The following ADAM12 variants were observed in gnomAD, a reference collection of about 807,000 sequenced individuals.
The protein encoded by ADAM12 is disintegrin and metalloproteinase domain-containing protein 12.
In ADAM12, 70 loss-of-function variants were observed where a neutral mutation model predicts 106.4. That is an observed-to-expected ratio of 0.66 (90% CI 0.54 to 0.80). The LOEUF is 0.80. Ranked by LOEUF, ADAM12 falls within the 30% of genes least tolerant of loss-of-function variation. ADAM12 has a pLI of 0.00. For synonymous variants in ADAM12, 420 were observed against 433.5 expected (o/e 0.97, Z 0.39); for missense variants, 1,010 against 1,171.9 (o/e 0.86, Z 2.02).
chr10:126,088,713 A>G (rs1007391305), intron 11 of ADAM12, among the ~76,000 whole-genome samples: 3 of 72,736 alleles, frequency 4.1e-5, no homozygotes, highest in African/African-American at 2.5e-4. Context: ...CTACATCTCA[A>G]AAAACAAAAA....
chr10:126,108,682 G>A lies in ADAM12; in HGVS notation c.670-18C>T, dbSNP rs370343358. The A allele has an allele frequency of 1.3e-5, 21 of 1,602,462 alleles. No homozygotes were observed. The highest frequency in any genetic ancestry group is 1.7e-5 in the Non-Finnish European group (20 of 1,169,510). ...CTCTGAAACTTAACAATTTTAAATGGCAGCATTAATACCAGCAAGAATATC... is the reference window on the plus strand; with the variant it reads ...CTCTGAAACTTAACAATTTTAAATGACAGCATTAATACCAGCAAGAATATC... On this transcript the variant is annotated intron_variant, in intron 7 of 22. Transcript: ENST00000448723.
intron 5 of ADAM12, among the ~76,000 whole-genome samples, chr10:126,122,326 C>A (rs1329925798): frequency 6.6e-6 from 1 of 152,172 alleles, no homozygotes; most frequent in African/African-American, 2.4e-5. Flanking sequence ...TTACTTTGGT[C>A]ATCAACTCTG....
At chr10:126,020,504 T>C (rs1176786832) in intron 21 of ADAM12, among the ~76,000 whole-genome samples, 2 of 152,110 alleles carry the variant, frequency 1.3e-5, no homozygotes, top group African/African-American at 2.4e-5. Flanking sequence ...CGCTAGGTTT[T>C]AGCCAAAAAT....
At chr10:126,086,683 ATATAT>A (rs1955360188) in intron 11 of ADAM12, among the ~76,000 whole-genome samples, 1 of 50,916 alleles carries the variant, frequency 2.0e-5, no homozygotes, top group African/African-American at 1.5e-4. Context: ...AAAAAAAAAT[ATATAT>A]ATATATATAT....
At chr10:126,222,208 G>T (rs1958108096) in intron 3 of ADAM12, among the ~76,000 whole-genome samples, 1 of 152,112 alleles carries the variant, frequency 6.6e-6, no homozygotes, top group East Asian at 1.9e-4. Flanking sequence ...CATATTCTGG[G>T]TTTCTGCATA....
chr10:126,161,555 G>C (rs1472656048), intron 3 of ADAM12, among the ~76,000 whole-genome samples: 2 of 152,222 alleles, frequency 1.3e-5, no homozygotes, highest in African/African-American at 2.4e-5. Flanking sequence ...GAAAGAATAA[G>C]TGAATTTGAG....
chr10:126,198,367 G>C (rs1029262533), intron 3 of ADAM12, among the ~76,000 whole-genome samples: 1 of 152,186 alleles, frequency 6.6e-6, no homozygotes, highest in African/African-American at 2.4e-5. Flanking sequence ...ACACAACCAG[G>C]AGAGAGACCA....
At chr10:126,142,957 T>A (rs1956542421) in intron 4 of ADAM12, among the ~76,000 whole-genome samples, 1 of 151,834 alleles carries the variant, frequency 6.6e-6, no homozygotes, top group Non-Finnish European at 1.5e-5. Context: ...TATATATGCA[T>A]GTGTGTATAT....
At chr10:126,210,230 T>A (rs1400736312) in intron 3 of ADAM12, among the ~76,000 whole-genome samples, 1 of 152,268 alleles carries the variant, frequency 6.6e-6, no homozygotes, top group African/African-American at 2.4e-5. Flanking sequence ...GTGACAAAGC[T>A]GGACTAGCAG....
chr10:126,147,915 C>T (rs571825082), intron 4 of ADAM12, among the ~76,000 whole-genome samples: 2 of 152,342 alleles, frequency 1.3e-5, no homozygotes, highest in South Asian at 4.1e-4. Context: ...ATGCATGTAA[C>T]AGACGAATGT....
intron 5 of ADAM12, among the ~76,000 whole-genome samples, chr10:126,130,582 G>A (rs889835665): frequency 1.3e-5 from 2 of 152,186 alleles, no homozygotes; most frequent in Non-Finnish European, 2.9e-5. Flanking sequence ...CTGGGGATGC[G>A]GGGTGGATGT....
chr10:126,260,425 T>C (rs1046370798), intron 3 of ADAM12, among the ~76,000 whole-genome samples: 4 of 152,238 alleles, frequency 2.6e-5, no homozygotes, highest in Non-Finnish European at 5.9e-5. Flanking sequence ...GAAACCTTCA[T>C]CTGAGGACAA....
chr10:126,321,044 C>T (rs1854077638), intron 2 of ADAM12, among the ~76,000 whole-genome samples: 1 of 152,156 alleles, frequency 6.6e-6, no homozygotes. Flanking sequence ...TCCCATTCAT[C>T]CTTGCTTCCT....
chr10:126,062,039 C>T (rs1364025914), intron 14 of ADAM12, among the ~76,000 whole-genome samples: 2 of 152,088 alleles, frequency 1.3e-5, no homozygotes. Flanking sequence ...CAGTGGGTTG[C>T]AGCCTTCCCT....
chr10:126,153,395 C>T (rs1956762451), intron 4 of ADAM12, among the ~76,000 whole-genome samples: 1 of 152,128 alleles, frequency 6.6e-6, no homozygotes, highest in African/African-American at 2.4e-5. Flanking sequence ...TTAGTTATTC[C>T]AAGTTATCCA....
intron 18 of ADAM12, 37 bp from the exon 19 acceptor site, chr10:126,039,466 G>A (rs1954121654): frequency 6.2e-7 from 1 of 1,612,772 alleles, no homozygotes. Flanking sequence ...GAAGGAGGCA[G>A]TTACAATGAA....
chr10:126,266,460 C>T (rs1959099509), intron 3 of ADAM12, among the ~76,000 whole-genome samples: 1 of 152,122 alleles, frequency 6.6e-6, no homozygotes, highest in Non-Finnish European at 1.5e-5. Context: ...GCATGTGATT[C>T]CTTTTCCTGC....
chr10:126,267,967 CACATA>C (rs1261580109), intron 3 of ADAM12, among the ~76,000 whole-genome samples: 2 of 152,078 alleles, frequency 1.3e-5, no homozygotes, highest in Non-Finnish European at 2.9e-5. Context: ...GGGCAAAATA[CACATA>C]ACATAAAATT....
At chr10:126,276,784 T>C (rs1392873598) in intron 3 of ADAM12, among the ~76,000 whole-genome samples, 1 of 152,228 alleles carries the variant, frequency 6.6e-6, no homozygotes, top group African/African-American at 2.4e-5. Context: ...ACTTTTATAA[T>C]TTTGAGATTA....
Sources: gnomAD v4.1 joint callset for allele counts (sites outside exome capture counted in the v4.1 genomes callset) on GRCh38, gnomAD v4.1.1 for gene constraint, MANE v1.5 for transcripts, NCBI Gene and HGNC (gene_info 2026-07-23, HGNC 2026-07-21) for gene names.